The following AFF2 variants were observed in gnomAD, a reference collection of about 807,000 sequenced individuals.
AFF2 encodes the protein AF4/FMR2 family member 2.
Under a neutral mutation model 76.9 loss-of-function variants are expected in AFF2, and 14 were observed. The observed-to-expected ratio is 0.18, with a 90% CI of 0.12 to 0.28. The LOEUF (loss-of-function observed/expected upper bound fraction) is 0.28, where lower values mean the gene tolerates loss of function less well. Among genes scored for constraint, AFF2 ranks in the 10% least tolerant of loss-of-function variants. The pLI is 1.00. For missense variants in AFF2, 868 were observed against 1,001.1 expected (o/e 0.87, Z 1.79); for synonymous variants, 398 against 366.7 (o/e 1.09, Z -0.98).
intron 9 of AFF2, among the ~76,000 whole-genome samples, chrX:148,948,657 T>G (rs2071929685): frequency 9.0e-6 from 1 of 111,158 alleles, no homozygotes; most frequent in Non-Finnish European, 1.9e-5. Flanking sequence ...ATGAGGTCAT[T>G]TTGCCCATGA....
intron 7 of AFF2, among the ~76,000 whole-genome samples, chrX:148,851,534 C>T (rs191350915): frequency 9.0e-6 from 1 of 111,355 alleles, no homozygotes; most frequent in East Asian, 2.8e-4. Context: ...CTGCCTTGTC[C>T]TTGCCAAAGG....
intron 7 of AFF2, among the ~76,000 whole-genome samples, chrX:148,852,797 G>T (rs2070746648): frequency 8.9e-6 from 1 of 111,861 alleles, no homozygotes; most frequent in Non-Finnish European, 1.9e-5. Context: ...ACTCTCAAGG[G>T]CTCAGAGAGA....
rs1208482287 is a variant in AFF2, at chrX:148,711,595, A to G, written c.1041+48827A>G. Among the ~76,000 whole-genome samples, 5 of 112,480 alleles carry G rather than the reference A, an allele frequency of 4.4e-5. No homozygotes were observed. In the East Asian group the frequency reaches 1.4e-3, roughly 31 times the overall value. On this transcript the variant is annotated intron_variant, in intron 3 of 20. Coordinates refer to ENST00000370460, the MANE Select transcript of AFF2 (RefSeq NM_002025.4). ...GCATAACCATGCCTGCTCTAAAACT[A>G]TAAAAATTTGGTTAAAATTGAGGCA...
At chrX:148,589,143 C>A (rs189082731) in intron 1 of AFF2, among the ~76,000 whole-genome samples, 1,250 of 110,812 alleles carry the variant, frequency 0.011, 24 homozygotes, top group African/African-American at 0.038. Context: ...CAGTGAGAGG[C>A]ATTTAACTGT....
chrX:148,596,238 T>C (rs1405069255), intron 1 of AFF2, among the ~76,000 whole-genome samples: 5 of 111,248 alleles, frequency 4.5e-5, no homozygotes, highest in Non-Finnish European at 9.4e-5. Flanking sequence ...AAGAAAGAAG[T>C]CCAACAGTAA....
At chrX:148,542,309 C>T (rs16994603) in intron 1 of AFF2, among the ~76,000 whole-genome samples, 3 of 107,284 alleles carry the variant, frequency 2.8e-5, no homozygotes, top group Admixed American at 1.0e-4. Context: ...CAGCCCTTAG[C>T]GAACCAACAT....
chrX:148,713,749 A>T (rs931483963), intron 3 of AFF2, among the ~76,000 whole-genome samples: 1 of 111,417 alleles, frequency 9.0e-6, no homozygotes, highest in Admixed American at 9.6e-5. Flanking sequence ...CAAATAAAAG[A>T]GATTGGGAAG....
rs142953874 is a variant in AFF2, at chrX:148,716,035, C to T, written c.1041+53267C>T. Among the ~76,000 whole-genome samples, 81 of 111,111 alleles carry T rather than the reference C, an allele frequency of 7.3e-4. No homozygotes were observed. The East Asian group carries it at 0.019, about 27-fold the overall frequency. Reference sequence around the variant, plus strand: ...TCTCTGTGTGTGTGTGTATTCACAACCACATTATATATATTATTTTGCATA... The same window carrying T: ...TCTCTGTGTGTGTGTGTATTCACAATCACATTATATATATTATTTTGCATA... On this transcript the variant is annotated intron_variant, in intron 3 of 20. Transcript: ENST00000370460.
At chrX:148,590,824 G>C (rs1168084130) in intron 1 of AFF2, among the ~76,000 whole-genome samples, 2 of 112,129 alleles carry the variant, frequency 1.8e-5, no homozygotes, top group African/African-American at 6.5e-5. Flanking sequence ...TGATTTCATA[G>C]AGGGGTAAAC....
intron 3 of AFF2, among the ~76,000 whole-genome samples, chrX:148,664,838 A>G (rs2054342823): frequency 8.9e-6 from 1 of 112,537 alleles, no homozygotes; most frequent in Non-Finnish European, 1.9e-5. Context: ...CATGAGTTAT[A>G]TCTTTTTCAG....
At chrX:148,810,071 C>G (rs1418852150) in intron 4 of AFF2, 151 bp downstream of exon 4, 2 of 507,590 alleles carry the variant, frequency 3.9e-6, no homozygotes, top group Non-Finnish European at 6.4e-6. Flanking sequence ...TTCCAGTGGC[C>G]TCATTTCTTG....
chrX:148,668,129 G>A (rs1262256280), intron 3 of AFF2, among the ~76,000 whole-genome samples: 1 of 113,030 alleles, frequency 8.8e-6, no homozygotes, highest in African/African-American at 3.2e-5. Context: ...ATCCAGCAGG[G>A]CCGTCAAACC....
intron 3 of AFF2, among the ~76,000 whole-genome samples, chrX:148,788,332 G>C (rs782188120): frequency 3.8e-4 from 43 of 112,386 alleles, no homozygotes; most frequent in South Asian, 1.1e-3. Flanking sequence ...TAAAAATGAA[G>C]CAAGAACACT....
chrX:148,870,886 A>T (rs143998848), intron 7 of AFF2, among the ~76,000 whole-genome samples: 312 of 111,885 alleles, frequency 2.8e-3, no homozygotes, highest in African/African-American at 9.7e-3. Context: ...TCTCACAGGG[A>T]CAAGGCATCC....
chrX:148,782,292 C>A (rs1805298110), intron 3 of AFF2, among the ~76,000 whole-genome samples: 1 of 111,877 alleles, frequency 8.9e-6, no homozygotes, highest in African/African-American at 3.3e-5. Flanking sequence ...AGTGACAGAG[C>A]TGAGATGATT....
intron 19 of AFF2, among the ~76,000 whole-genome samples, chrX:148,985,646 C>G (rs1174226202): frequency 9.0e-6 from 1 of 110,986 alleles, no homozygotes; most frequent in Non-Finnish European, 1.9e-5. Context: ...CTTTCACTGC[C>G]TTTTTGTCAT....
chrX:148,840,760 C>A (rs2070589762), intron 5 of AFF2, among the ~76,000 whole-genome samples: 1 of 112,000 alleles, frequency 8.9e-6, no homozygotes. Flanking sequence ...CCAACTGGGG[C>A]TGGATATGTA....
At chrX:148,511,669 C>T (rs1277103450) in intron 1 of AFF2, among the ~76,000 whole-genome samples, 3 of 112,556 alleles carry the variant, frequency 2.7e-5, no homozygotes, top group Non-Finnish European at 5.6e-5. Context: ...TAAGGGTTTT[C>T]ACCCCCATTT....
intron 1 of AFF2, among the ~76,000 whole-genome samples, chrX:148,608,226 C>T: frequency 9.0e-6 from 1 of 111,560 alleles, no homozygotes; most frequent in Non-Finnish European, 1.9e-5. Flanking sequence ...TTGACATACC[C>T]CATTGTGTCA....
Sources: gnomAD v4.1 joint callset for allele counts (sites outside exome capture counted in the v4.1 genomes callset) on GRCh38, gnomAD v4.1.1 for gene constraint, MANE v1.5 for transcripts, NCBI Gene and HGNC (gene_info 2026-07-23, HGNC 2026-07-21) for gene names.